FOXN3: variants seen among roughly 807,000 people sequenced by gnomAD.
The protein encoded by FOXN3 is forkhead box protein N3.
FOXN3 carries 7 observed loss-of-function variants against 38.4 expected under a neutral mutation model. That is an observed-to-expected ratio of 0.18 (90% CI 0.10 to 0.34). The LOEUF (loss-of-function observed/expected upper bound fraction) is 0.34, where lower values mean the gene tolerates loss of function less well. FOXN3 is among the 10% of genes least tolerant of loss of function. The pLI is 1.00. For missense variants in FOXN3, 456 were observed against 613.4 expected (o/e 0.74, Z 2.71); for synonymous variants, 230 against 242.2 (o/e 0.95, Z 0.47).
intron 1 of FOXN3, among the ~76,000 whole-genome samples, chr14:89,546,323 C>CTTTTTAT: frequency 2.2e-5 from 1 of 45,976 alleles, no homozygotes; most frequent in African/African-American, 1.0e-4. Flanking sequence ...TTCTTTTTTC[C>CTTTTTAT]TTTTTCTTTT....
At chr14:89,476,915 T>C (rs184372899) in intron 1 of FOXN3, among the ~76,000 whole-genome samples, 3 of 151,980 alleles carry the variant, frequency 2.0e-5, no homozygotes, top group Admixed American at 6.5e-5. Context: ...GAGGGAGAAA[T>C]AGAGAAGGAG....
At chr14:89,580,011 G>T (rs1895713503) in intron 1 of FOXN3, among the ~76,000 whole-genome samples, 1 of 151,540 alleles carries the variant, frequency 6.6e-6, no homozygotes, top group African/African-American at 2.4e-5. Flanking sequence ...AAAAAAAAAT[G>T]AGGTTCCCAG....
intron 5 of FOXN3, among the ~76,000 whole-genome samples, chr14:89,165,830 A>C (rs1431887805): frequency 6.6e-6 from 1 of 152,264 alleles, no homozygotes; most frequent in East Asian, 1.9e-4. Flanking sequence ...AACTAACATC[A>C]AACAGTTTCA....
At chr14:89,419,013 A>T (rs1244393811), upstream of FOXN3, 11 of 371,880 alleles carry the variant, frequency 3.0e-5, no homozygotes, top group Non-Finnish European at 5.4e-6. Flanking sequence ...CCTTATTTTC[A>T]CCGGCCCCAG....
intron 4 of FOXN3, among the ~76,000 whole-genome samples, chr14:89,236,039 A>G (rs1194426745): frequency 2.0e-5 from 3 of 152,266 alleles, no homozygotes; most frequent in Non-Finnish European, 4.4e-5. Context: ...GCTGGCGCTC[A>G]TGGCTGGGTC....
chr14:89,604,606 A>C (rs565898771), intron 1 of FOXN3, among the ~76,000 whole-genome samples: 1 of 152,224 alleles, frequency 6.6e-6, no homozygotes, highest in Non-Finnish European at 1.5e-5. Context: ...AGAGAGAAAG[A>C]GTACAGAGCA....
At chr14:89,445,562 A>G (rs1280077158) in intron 1 of FOXN3, among the ~76,000 whole-genome samples, 2 of 152,296 alleles carry the variant, frequency 1.3e-5, no homozygotes, top group African/African-American at 2.4e-5. Flanking sequence ...CCTGGAGACC[A>G]AAAGTGCCCA....
intron 1 of FOXN3, among the ~76,000 whole-genome samples, chr14:89,496,765 C>T (rs1005448263): frequency 6.6e-6 from 1 of 152,168 alleles, no homozygotes; most frequent in Non-Finnish European, 1.5e-5. Flanking sequence ...CTGTACCTAG[C>T]ACACAATCAC....
chr14:89,546,329 CTTTTTTT>C (rs1157998619), intron 1 of FOXN3, among the ~76,000 whole-genome samples: 2 of 78,314 alleles, frequency 2.6e-5, no homozygotes, highest in Non-Finnish European at 4.5e-5. Context: ...TTTCCTTTTT[CTTTTTTT>C]TTTTTTTTTT....
At chr14:89,171,696 C>T (rs1887392517) in intron 5 of FOXN3, among the ~76,000 whole-genome samples, 1 of 152,092 alleles carries the variant, frequency 6.6e-6, no homozygotes, top group Admixed American at 6.5e-5. Context: ...AATAACCACT[C>T]ATGATAAAAA....
At chr14:89,166,120 T>C (rs1013411034) in intron 5 of FOXN3, among the ~76,000 whole-genome samples, 1 of 152,122 alleles carries the variant, frequency 6.6e-6, no homozygotes, top group African/African-American at 2.4e-5. Flanking sequence ...TTTTCCTAAG[T>C]TTGAACATTT....
chr14:89,555,053 A>G (rs1455714260), intron 1 of FOXN3, among the ~76,000 whole-genome samples: 2 of 152,142 alleles, frequency 1.3e-5, no homozygotes, highest in Admixed American at 1.3e-4. Flanking sequence ...GGCCTCCCAA[A>G]GTGCTGGGAT....
intron 3 of FOXN3, among the ~76,000 whole-genome samples, chr14:89,300,882 C>T (rs934054396): frequency 7.2e-5 from 11 of 152,250 alleles, no homozygotes; most frequent in Middle Eastern, 3.4e-3. Context: ...CTGCAACCTC[C>T]GCCTCCAAGG....
chr14:89,566,440 T>A (rs535472698), intron 1 of FOXN3, among the ~76,000 whole-genome samples: 35 of 126,548 alleles, frequency 2.8e-4, no homozygotes, highest in African/African-American at 1.5e-3. Flanking sequence ...GAAGAAATAA[T>A]TTTTTTAAAA....
intron 1 of FOXN3, among the ~76,000 whole-genome samples, chr14:89,472,629 G>C (rs528843028): frequency 6.6e-6 from 1 of 150,672 alleles, no homozygotes; most frequent in Non-Finnish European, 1.5e-5. Context: ...GCTGAGGCAG[G>C]AGAATGGTGT....
At chr14:89,293,752 T>C (rs141432986) in intron 3 of FOXN3, among the ~76,000 whole-genome samples, 3 of 151,418 alleles carry the variant, frequency 2.0e-5, no homozygotes, top group Non-Finnish European at 4.4e-5. Context: ...GGAGCGGCGG[T>C]TGGGGGTAGG....
At chr14:89,553,560 C>T (rs910048453) in intron 1 of FOXN3, among the ~76,000 whole-genome samples, 8 of 152,012 alleles carry the variant, frequency 5.3e-5, no homozygotes, top group African/African-American at 1.9e-4. Context: ...ACTTGAGTCA[C>T]ATCTCAAGAT....
intron 4 of FOXN3, among the ~76,000 whole-genome samples, chr14:89,191,397 T>C (rs1194082019): frequency 6.6e-6 from 1 of 152,194 alleles, no homozygotes; most frequent in Non-Finnish European, 1.5e-5. Flanking sequence ...AGCTGCCGCC[T>C]GTGCCCTGTC....
chr14:89,217,346 C>T lies in FOXN3; in HGVS notation c.746-36540G>A, dbSNP rs185617102. On this transcript the variant is annotated intron_variant, in intron 4 of 5. Coordinates refer to ENST00000557258, the MANE Select transcript of FOXN3 (RefSeq NM_005197.4). ...TAGAGATGGGGTCTCTCTATGTTGC[C>T]CAAGCTGGTCTTGAACTCCTGGGCT... 3.3e-5 allele frequency among the ~76,000 whole-genome samples: 5 copies of T among 152,144 alleles called. No individual in the cohort carries two copies. In the East Asian group the frequency reaches 9.7e-4, roughly 29 times the overall value.
Sources: allele counts gnomAD v4.1 joint callset (sites outside exome capture counted in the v4.1 genomes callset), GRCh38; gene constraint gnomAD v4.1.1; transcripts MANE v1.5; gene names NCBI Gene and HGNC (gene_info 2026-07-23, HGNC 2026-07-21).